PLXNC1: variants seen among roughly 807,000 people sequenced by gnomAD.
PLXNC1 encodes plexin C1.
Under a neutral mutation model 178.2 loss-of-function variants are expected in PLXNC1, and 75 were observed. The observed-to-expected ratio is 0.42, with a 90% CI of 0.35 to 0.51. PLXNC1 has a LOEUF of 0.51. Among genes scored for constraint, PLXNC1 ranks in the 20% least tolerant of loss-of-function variants. The pLI is 0.02. For synonymous variants in PLXNC1, 790 were observed against 779.9 expected (o/e 1.01, Z -0.22); for missense variants, 1,503 against 1,984.4 (o/e 0.76, Z 4.61).
chr12:94,191,241 C>G (rs1180482919), intron 4 of PLXNC1, among the ~76,000 whole-genome samples: 1 of 152,154 alleles, frequency 6.6e-6, no homozygotes, highest in African/African-American at 2.4e-5. Flanking sequence ...TGAAATGAAA[C>G]TAAGTCTCAT....
chr12:94,297,428 A>C lies in PLXNC1; in HGVS notation c.4074+5A>C. ...ACAAAGCTGCTGTCGACCAAGGTAC[A>C]CTTACTGTTCTGGGAGCACTTTATG... On this transcript the variant is annotated splice_donor_5th_base_variant and intron_variant, in intron 26 of 30. Transcript: ENST00000258526. 1 of 1,603,010 alleles carries C rather than the reference A, an allele frequency of 6.2e-7. No individual in the cohort carries two copies. The highest frequency in any genetic ancestry group is 8.5e-7 in the Non-Finnish European group (1 of 1,170,848).
intron 4 of PLXNC1, among the ~76,000 whole-genome samples, chr12:94,202,816 T>C (rs1963181799): frequency 6.6e-6 from 1 of 152,138 alleles, no homozygotes. Context: ...GGGGATGAGT[T>C]TGAAGAGGAA....
At chr12:94,189,585 T>TG in intron 4 of PLXNC1, among the ~76,000 whole-genome samples, 1 of 151,778 alleles carries the variant, frequency 6.6e-6, no homozygotes. Context: ...GAGGTTAAGG[T>TG]GGGAGGCTTG....
At chr12:94,304,142 TCCCAAAAG>T (rs2136238664) in intron 30 of PLXNC1, 91 bp downstream of exon 30, 1 of 827,752 alleles carries the variant, frequency 1.2e-6, no homozygotes, top group African/African-American at 1.7e-5. Context: ...AGCTCTGGCA[TCCCAAAAG>T]GCCAGAAAGG....
At position 94,260,621 on chromosome 12, in the gene PLXNC1, C is replaced by G; in HGVS notation, c.3252-21C>G. 1 of 1,598,070 alleles carries G rather than the reference C, an allele frequency of 6.3e-7. No individual in the cohort carries two copies. The highest frequency in any genetic ancestry group is 8.6e-7 in the Non-Finnish European group (1 of 1,167,528). The stretch of plus-strand genomic sequence containing the variant: ...AGCTAGGCCTGCAGCCAATGGTTCA[C>G]CCAGCTCTCTTTTTCAACAGGTGTC... On this transcript the variant is annotated intron_variant, in intron 19 of 30. Coordinates refer to ENST00000258526, the MANE Select transcript of PLXNC1 (RefSeq NM_005761.3). The surrounding 1 kb of genome is among the most constrained non-coding windows in gnomAD (Gnocchi z 4.4).
In PLXNC1 at chr12:94,220,018, T is replaced by C. The variant is rs924632188; in HGVS notation, c.1557T>C (p.Thr519=). ...IQIIRSSKEK[T]TVTMVGSFSP... ...TTCCCCATATCTTCCCCGCACAGAC[T>C]ACAGTGACTATGGTGGGAAGCTTCT... The change falls in exon 6 of 31, where the codon ACT becomes ACC. Residue 519 remains threonine (T), a splice_region_variant and synonymous_variant. Coordinates refer to ENST00000258526, the MANE Select transcript of PLXNC1 (RefSeq NM_005761.3). 6.2e-7 allele frequency: 1 copy of C among 1,613,732 alleles called. No individual in the cohort carries two copies. Among genetic ancestry groups the C allele is most frequent in the East Asian group, 2.2e-5 (1 of 44,866 alleles).
chr12:94,255,266 A>G lies in PLXNC1; in HGVS notation c.3057A>G (p.Lys1019=), dbSNP rs1348004414. The change falls in exon 17 of 31, where the codon AAA becomes AAG. Residue 1019 remains lysine (K), a synonymous_variant. Transcript: ENST00000258526. ...GAACTGTTCCCTTCCTTGACTACAA[A>G]CATTTTGCTCTGAGAACTTTCTTCC... The part of the protein sequence containing the change: ...SFGTVPFLDY[K]HFALRTFFPE... 2 of 1,613,196 alleles carry G rather than the reference A, an allele frequency of 1.2e-6. No homozygotes were observed.
Position 94,149,661 on chromosome 12 carries a change from C to G in PLXNC1, c.690C>G (p.Gly230=). ...GCCTCAAGCTGTGCGAGGGCGCGGGCAGCCTGCACTTCGTGGACGCCTTTC... is the reference window on the plus strand; with the variant it reads ...GCCTCAAGCTGTGCGAGGGCGCGGGGAGCCTGCACTTCGTGGACGCCTTTC... ...LGRLKLCEGA[G]SLHFVDAFLW... Residue 230 remains glycine (G), a synonymous_variant, in exon 1 of 31, where the codon GGC becomes GGG. Transcript: ENST00000258526. 6.2e-7 allele frequency: 1 copy of G among 1,607,172 alleles called. No individual in the cohort carries two copies. The highest frequency in any genetic ancestry group is 8.5e-7 in the Non-Finnish European group (1 of 1,177,144).
At chr12:94,292,469 C>G (rs1230857873) in intron 23 of PLXNC1, among the ~76,000 whole-genome samples, 1 of 152,112 alleles carries the variant, frequency 6.6e-6, no homozygotes, top group African/African-American at 2.4e-5. Flanking sequence ...CATTTCAAAG[C>G]TTTTATTAAA....
At chr12:94,159,626 C>T (rs1961302918) in intron 1 of PLXNC1, among the ~76,000 whole-genome samples, 1 of 152,086 alleles carries the variant, frequency 6.6e-6, no homozygotes, top group Admixed American at 6.5e-5. Context: ...AAGCAGCAGG[C>T]CCAGCCTGCA....
At chr12:94,238,134 T>C (rs1964290769) in intron 10 of PLXNC1, among the ~76,000 whole-genome samples, 2 of 152,308 alleles carry the variant, frequency 1.3e-5, no homozygotes, top group South Asian at 2.1e-4. Context: ...CTTTAGGTGA[T>C]GCACTTGGAA....
chr12:94,238,017 T>G (rs1964287271), intron 10 of PLXNC1, among the ~76,000 whole-genome samples: 1 of 152,232 alleles, frequency 6.6e-6, no homozygotes, highest in Non-Finnish European at 1.5e-5. Context: ...CTGTTCTGTG[T>G]TATTCCCCAA....
chr12:94,266,720 T>C (rs1283277702), intron 21 of PLXNC1, among the ~76,000 whole-genome samples: 1 of 152,234 alleles, frequency 6.6e-6, no homozygotes, highest in Non-Finnish European at 1.5e-5. Context: ...ACATGTGAAA[T>C]GGAAATGATG....
intron 1 of PLXNC1, among the ~76,000 whole-genome samples, chr12:94,150,544 C>G (rs966044188): frequency 6.6e-6 from 1 of 152,218 alleles, no homozygotes; most frequent in Non-Finnish European, 1.5e-5. Context: ...CTGTCTCCGC[C>G]CCCCACCGGC....
intron 5 of PLXNC1, among the ~76,000 whole-genome samples, chr12:94,209,967 C>T (rs1405390966): frequency 6.6e-6 from 1 of 152,148 alleles, no homozygotes; most frequent in African/African-American, 2.4e-5. Context: ...GAAGATGACC[C>T]TCAATGGTTG....
intron 27 of PLXNC1, among the ~76,000 whole-genome samples, chr12:94,299,627 T>G (rs1286247217): frequency 6.6e-6 from 1 of 151,886 alleles, no homozygotes; most frequent in Non-Finnish European, 1.5e-5. Flanking sequence ...TGGTGGGATC[T>G]CGGTTCACTG....
intron 14 of PLXNC1, among the ~76,000 whole-genome samples, chr12:94,250,234 C>A (rs1964643532): frequency 6.6e-6 from 1 of 152,124 alleles, no homozygotes; most frequent in Non-Finnish European, 1.5e-5. Context: ...ATGATTAGAA[C>A]CTTGTGGACC....
At chr12:94,162,098 A>T (rs1961404907) in intron 1 of PLXNC1, among the ~76,000 whole-genome samples, 1 of 152,218 alleles carries the variant, frequency 6.6e-6, no homozygotes, top group Admixed American at 6.5e-5. Flanking sequence ...TTTTAAAAAC[A>T]ATAGTTATAA....
rs780109734 is a variant in PLXNC1, at chr12:94,149,621, C to T, written c.650C>T (p.Thr217Met). ...LKDTEGRSLA[T>M]QELGRLKLCE... ...GACACGGAGGGGCGCAGCCTGGCCA[C>T]GCAGGAGCTGGGGCGCCTCAAGCTG... The change falls in exon 1 of 31, where the codon ACG becomes ATG. Residue 217 changes from threonine (T) to methionine (M), a missense_variant. Physicochemically the swap from Thr to Met is moderately conservative, Grantham distance 81 (BLOSUM62 -1). Transcript: ENST00000258526. 1 of 1,589,160 alleles carries T rather than the reference C, an allele frequency of 6.3e-7. No individual in the cohort carries two copies. Among genetic ancestry groups the T allele is most frequent in the Non-Finnish European group, 8.6e-7 (1 of 1,168,628 alleles).
Sources: allele counts gnomAD v4.1 joint callset (sites outside exome capture counted in the v4.1 genomes callset), GRCh38; gene constraint gnomAD v4.1.1; non-coding constraint Gnocchi (gnomAD v3.1); transcripts MANE v1.5; gene names NCBI Gene and HGNC (gene_info 2026-07-23, HGNC 2026-07-21).